The following KLF15 variants were observed in gnomAD, a reference collection of about 807,000 sequenced individuals.
KLF15 encodes the protein KLF transcription factor 15.
Under a neutral mutation model 24.6 loss-of-function variants are expected in KLF15, and 4 were observed. The ratio of observed to expected loss-of-function variants is 0.16; its 90% CI spans 0.08 to 0.37. The LOEUF (loss-of-function observed/expected upper bound fraction) is 0.37. Ranked by LOEUF, KLF15 falls within the 10% of genes least tolerant of loss-of-function variation. KLF15 has a pLI of 1.00. For missense variants in KLF15, 496 were observed against 560.6 expected, an observed-to-expected ratio of 0.88 and a Z score of 1.16; for synonymous variants, 246 against 236.3, an observed-to-expected ratio of 1.04 and a Z score of -0.37.
chr3:126,355,740 G>A (rs2082625233), intron 1 of KLF15, among the ~76,000 whole-genome samples: 1 of 152,246 alleles, frequency 6.6e-6, no homozygotes, highest in Non-Finnish European at 1.5e-5. Flanking sequence ...GGAAGGTGCG[G>A]GGGAGAGCGG....
At chr3:126,327,926 G>C in the KLF15 span, among the ~76,000 whole-genome samples, 1 of 152,176 alleles carries the variant, frequency 6.6e-6, no homozygotes, top group Non-Finnish European at 1.5e-5. Flanking sequence ...CTAGGTCAAA[G>C]AAAGATTGCA....
intron 2 of KLF15, among the ~76,000 whole-genome samples, chr3:126,350,951 G>A (rs1362313707): frequency 1.3e-5 from 2 of 152,248 alleles, no homozygotes; most frequent in African/African-American, 4.8e-5. Context: ...GATTCCTTTG[G>A]GATGGGCATC....
chr3:126,342,585 C>T (rs1336826475), downstream of KLF15: 1 of 152,584 alleles, frequency 6.6e-6, no homozygotes, highest in African/African-American at 2.4e-5. Context: ...GCCCCAGAGT[C>T]ACCTCCACAT....
the KLF15 span, among the ~76,000 whole-genome samples, chr3:126,300,666 G>C: frequency 6.6e-6 from 1 of 152,186 alleles, no homozygotes; most frequent in African/African-American, 2.4e-5. Context: ...CCTCACCCCT[G>C]TGAAAGACCC....
the KLF15 span, among the ~76,000 whole-genome samples, chr3:126,331,626 G>T: frequency 6.6e-6 from 1 of 152,180 alleles, no homozygotes; most frequent in Non-Finnish European, 1.5e-5. Flanking sequence ...CAAGATGGCC[G>T]AATAGGAACA....
chr3:126,322,980 T>C, the KLF15 span, among the ~76,000 whole-genome samples: 1 of 151,760 alleles, frequency 6.6e-6, no homozygotes, highest in African/African-American at 2.4e-5. Context: ...AAGCCTGCTG[T>C]TAAAAATTCA....
chr3:126,292,637 A>G, the KLF15 span, among the ~76,000 whole-genome samples: 2 of 152,288 alleles, frequency 1.3e-5, no homozygotes, highest in South Asian at 4.1e-4. Flanking sequence ...TAAGCACTGC[A>G]GAGGAAGGAG....
the KLF15 span, among the ~76,000 whole-genome samples, chr3:126,330,402 T>G: frequency 6.6e-6 from 1 of 152,234 alleles, no homozygotes; most frequent in Non-Finnish European, 1.5e-5. Flanking sequence ...GTTTATCTTG[T>G]GTCTGGCCAT....
chr3:126,334,099 C>T, the KLF15 span, among the ~76,000 whole-genome samples: 1 of 151,940 alleles, frequency 6.6e-6, no homozygotes, highest in East Asian at 1.9e-4. Context: ...AACTCTCCAC[C>T]CCAAATCAAC....
chr3:126,295,293 G>A, the KLF15 span, among the ~76,000 whole-genome samples: 1 of 152,170 alleles, frequency 6.6e-6, no homozygotes, highest in Non-Finnish European at 1.5e-5. Flanking sequence ...ACAACTTTAA[G>A]AGCAGATACA....
In KLF15 at chr3:126,343,706, A is replaced by C; in HGVS notation, c.*21T>G. On this transcript the variant is annotated 3_prime_UTR_variant, in exon 3 of 3. Coordinates refer to ENST00000296233, the MANE Select transcript of KLF15 (RefSeq NM_014079.4). ...GGGGTGGGGATCCGGGGTGACGGAC[A>C]GGCTGGGGTTCAGGGCGCTTTCAGT... The C allele has an allele frequency of 6.3e-7, 1 of 1,598,494 alleles. No individual in the cohort carries two copies. Among genetic ancestry groups the C allele is most frequent in the Non-Finnish European group, 8.5e-7 (1 of 1,175,036 alleles).
At chr3:126,345,961 C>T (rs1442969504) in intron 2 of KLF15, among the ~76,000 whole-genome samples, 1 of 152,208 alleles carries the variant, frequency 6.6e-6, no homozygotes, top group Non-Finnish European at 1.5e-5. Context: ...GGGCCTGGTC[C>T]AGGTCACTGA....
At chr3:126,308,333 G>A in the KLF15 span, among the ~76,000 whole-genome samples, 1 of 152,172 alleles carries the variant, frequency 6.6e-6, no homozygotes, top group Non-Finnish European at 1.5e-5. Context: ...AGGCAGGGCC[G>A]GCCTCACTCC....
the KLF15 span, among the ~76,000 whole-genome samples, chr3:126,323,423 A>AACATATATATGT: frequency 4.4e-4 from 13 of 29,298 alleles, 1 homozygote; most frequent in East Asian, 3.6e-3. Context: ...ATATATATAT[A>AACATATATATGT]TATATATATA....
At chr3:126,316,439 T>A in the KLF15 span, among the ~76,000 whole-genome samples, 5 of 118,576 alleles carry the variant, frequency 4.2e-5, no homozygotes, top group Middle Eastern at 6.0e-3. Context: ...TGCATGGGCC[T>A]GAGTGGGGAA....
At chr3:126,328,309 C>G in the KLF15 span, among the ~76,000 whole-genome samples, 2 of 152,130 alleles carry the variant, frequency 1.3e-5, no homozygotes, top group African/African-American at 4.8e-5. Flanking sequence ...ATATATACCA[C>G]AGTTTCTTTA....
At chr3:126,353,935 C>A (rs919404408) in intron 1 of KLF15, 1 of 152,386 alleles carries the variant, frequency 6.6e-6, no homozygotes, top group Non-Finnish European at 1.5e-5. Flanking sequence ...CAACCACCCC[C>A]CCAGCCCATC....
intron 2 of KLF15, among the ~76,000 whole-genome samples, chr3:126,347,339 G>A (rs774751807): frequency 6.6e-6 from 1 of 152,176 alleles, no homozygotes; most frequent in Non-Finnish European, 1.5e-5. Context: ...CCTACAGAGG[G>A]AAGGAGGTCA....
chr3:126,322,157 T>G, the KLF15 span, among the ~76,000 whole-genome samples: 1 of 152,216 alleles, frequency 6.6e-6, no homozygotes, highest in South Asian at 2.1e-4. Flanking sequence ...ATGTATGTGA[T>G]TTACATGTTT....
Sources: allele counts gnomAD v4.1 joint callset (sites outside exome capture counted in the v4.1 genomes callset), GRCh38; gene constraint gnomAD v4.1.1; transcripts MANE v1.5; gene names NCBI Gene and HGNC (gene_info 2026-07-23, HGNC 2026-07-21).